SVOP: variants seen among roughly 807,000 people sequenced by gnomAD.
The protein encoded by SVOP is SV2 related protein.
Under a neutral mutation model 69.1 loss-of-function variants are expected in SVOP, and 17 were observed. The ratio of observed to expected loss-of-function variants is 0.25; its 90% CI spans 0.17 to 0.37. The LOEUF is 0.37. Ranked by LOEUF, SVOP falls within the 10% of genes least tolerant of loss-of-function variation. The pLI is 1.00. For synonymous variants in SVOP, 238 were observed against 238.6 expected (o/e 1.00, Z 0.02); for missense variants, 435 against 597.5 (o/e 0.73, Z 2.84).
intron 1 of SVOP, among the ~76,000 whole-genome samples, chr12:109,007,876 A>G (rs776511752): frequency 1.3e-5 from 2 of 152,148 alleles, no homozygotes; most frequent in Non-Finnish European, 2.9e-5. Context: ...TGTCTCTACA[A>G]AAAATTAAAA....
rs951305095 is a variant in SVOP, at chr12:108,927,994, C to T, written c.1049-5197G>A. On this transcript the variant is annotated intron_variant, in intron 11 of 15. Transcript: ENST00000610966. ...TATATTGGCTCACTGCAACCTCCGC[C>T]TCCTGGGTTCAAGCAATTCTCCTGA... Among the ~76,000 whole-genome samples, 71 of 151,946 alleles carry T rather than the reference C, an allele frequency of 4.7e-4. 1 individual carries two copies. The highest frequency in any genetic ancestry group is 1.7e-3 in the African/African-American group (69 of 41,340).
chr12:109,019,753 T>C (rs1250414924), intron 1 of SVOP, among the ~76,000 whole-genome samples: 1 of 152,180 alleles, frequency 6.6e-6, no homozygotes, highest in East Asian at 1.9e-4. Flanking sequence ...AAAATTTTGG[T>C]GAAAACTAAT....
At chr12:108,917,002 C>T (rs2039718102) in intron 14 of SVOP, among the ~76,000 whole-genome samples, 2 of 152,222 alleles carry the variant, frequency 1.3e-5, no homozygotes, top group African/African-American at 4.8e-5. Context: ...CTGCCTCGGC[C>T]TCCCGAAGTG....
chr12:109,019,692 A>G (rs555841889), intron 1 of SVOP, among the ~76,000 whole-genome samples: 1 of 152,298 alleles, frequency 6.6e-6, no homozygotes, highest in East Asian at 1.9e-4. Context: ...AATCAGATAT[A>G]CTATTTGTGG....
At chr12:108,968,315 C>T (rs1221795403) in intron 5 of SVOP, among the ~76,000 whole-genome samples, 4 of 152,190 alleles carry the variant, frequency 2.6e-5, no homozygotes, top group African/African-American at 9.7e-5. Context: ...TAAATTCCCT[C>T]CACACTCTTC....
chr12:108,928,323 A>C (rs2137396200), intron 11 of SVOP, among the ~76,000 whole-genome samples: 1 of 152,120 alleles, frequency 6.6e-6, no homozygotes, highest in Non-Finnish European at 1.5e-5. Flanking sequence ...GATACTGCTG[A>C]ATCAGTCTAG....
At position 109,020,912 on chromosome 12, in the gene SVOP, G is replaced by A. The variant is rs1162262255; in HGVS notation, c.-44C>T. 1.4e-6 allele frequency: 1 copy of A among 710,820 alleles called. No individual in the cohort carries two copies. Among genetic ancestry groups the A allele is most frequent in the Non-Finnish European group, 2.6e-6 (1 of 381,614 alleles). The allele number at this position is 710,820 out of a possible 1,614,324, so 44.0% of individuals were successfully genotyped here. The stretch of plus-strand genomic sequence containing the variant: ...TGAGCCCTTCTCATGGCCCTTACAT[G>A]GTAGTGGTGGATGACGAGCCCTCCG... On this transcript the variant is annotated 5_prime_UTR_variant, in exon 1 of 16. Coordinates refer to ENST00000610966, the MANE Select transcript of SVOP (RefSeq NM_018711.5).
chr12:109,020,982 C>T lies in SVOP; in HGVS notation c.-114G>A. The T allele has an allele frequency of 3.2e-6, 2 of 627,306 alleles. No individual in the cohort carries two copies. Among genetic ancestry groups the T allele is most frequent in the Non-Finnish European group, 3.0e-6 (1 of 338,906 alleles). 38.9% of individuals were successfully genotyped at this position (627,306 alleles called of 1,614,324 possible). On this transcript the variant is annotated 5_prime_UTR_variant, in exon 1 of 16. Coordinates refer to ENST00000610966, the MANE Select transcript of SVOP (RefSeq NM_018711.5). ...TGGACAGCACCCGCGCCGCTTCCTC[C>T]CTGGAGCAGCAGCTGTTCGGGGAGG...
At chr12:108,938,755 C>A in intron 9 of SVOP, 72 bp downstream of exon 9, 1 of 1,604,368 alleles carries the variant, frequency 6.2e-7, no homozygotes, top group Non-Finnish European at 8.5e-7. Flanking sequence ...GCATGCCCTA[C>A]TCCATATGCA....
intron 13 of SVOP, among the ~76,000 whole-genome samples, chr12:108,919,307 C>T (rs2039734045): frequency 7.6e-6 from 1 of 131,648 alleles, no homozygotes; most frequent in Non-Finnish European, 1.8e-5. Context: ...GGGCCAATAC[C>T]CACACCTGGG....
chr12:109,013,380 T>C (rs991298649), intron 1 of SVOP, among the ~76,000 whole-genome samples: 4 of 151,636 alleles, frequency 2.6e-5, no homozygotes, highest in African/African-American at 9.7e-5. Flanking sequence ...ACATCAAACT[T>C]ACCGTCTTAA....
In SVOP at chr12:108,908,006, A is replaced by G. The variant is rs576505814; in HGVS notation, c.*4529T>C. 61 of 152,266 alleles carry G rather than the reference A, an allele frequency of 4.0e-4. No individual in the cohort carries two copies. The highest frequency in any genetic ancestry group is 6.5e-4 in the Non-Finnish European group (44 of 68,054). 9.4% of individuals were successfully genotyped at this position (152,266 alleles called of 1,614,324 possible). ...CTCTCCACCACTTCTTCCTGACCCA[A>G]TTGAATTGGACCAAGACTCAATCCA... On this transcript the variant is annotated 3_prime_UTR_variant, in exon 16 of 16. Transcript: ENST00000610966.
intron 6 of SVOP, among the ~76,000 whole-genome samples, chr12:108,957,230 C>G (rs2039990519): frequency 6.6e-6 from 1 of 152,182 alleles, no homozygotes; most frequent in Non-Finnish European, 1.5e-5. Context: ...GTGGCGCGCT[C>G]TCAGCTCACT....
At chr12:108,962,367 G>C (rs1265171011) in intron 5 of SVOP, among the ~76,000 whole-genome samples, 2 of 152,200 alleles carry the variant, frequency 1.3e-5, no homozygotes, top group African/African-American at 4.8e-5. Flanking sequence ...CCAAAGTGCT[G>C]AGATTACAGG....
chr12:108,945,287 G>T (rs1392785063), intron 6 of SVOP, 121 bp from the exon 7 acceptor site: 1 of 876,170 alleles, frequency 1.1e-6, no homozygotes, highest in Non-Finnish European at 1.8e-6. Context: ...ACTTACATCA[G>T]AATTTCCTGA....
intron 5 of SVOP, among the ~76,000 whole-genome samples, chr12:108,969,914 T>C (rs1214971789): frequency 6.6e-6 from 1 of 152,166 alleles, no homozygotes; most frequent in Non-Finnish European, 1.5e-5. Context: ...AACCAGCTTT[T>C]ACTTCCTTTG....
chr12:108,960,815 C>A (rs144139528), intron 6 of SVOP, 108 bp downstream of exon 6: 4 of 1,363,282 alleles, frequency 2.9e-6, no homozygotes, highest in Middle Eastern at 2.0e-4. Context: ...GTATAGCTAT[C>A]TCTGCACCCC....
chr12:108,951,553 G>C (rs763589562), intron 6 of SVOP, among the ~76,000 whole-genome samples: 3 of 152,176 alleles, frequency 2.0e-5, no homozygotes, highest in Non-Finnish European at 4.4e-5. Flanking sequence ...TCCGTAGAGA[G>C]AAAGTGTAAT....
intron 1 of SVOP, among the ~76,000 whole-genome samples, chr12:109,003,484 T>C (rs2040285991): frequency 6.6e-6 from 1 of 152,230 alleles, no homozygotes; most frequent in African/African-American, 2.4e-5. Flanking sequence ...AGGAAAATTG[T>C]GAGCAATGAG....
Sources: gnomAD v4.1 joint callset for allele counts (sites outside exome capture counted in the v4.1 genomes callset) on GRCh38, gnomAD v4.1.1 for gene constraint, MANE v1.5 for transcripts, NCBI Gene and HGNC (gene_info 2026-07-23, HGNC 2026-07-21) for gene names.